The following RSAD2 variants were observed in gnomAD, a reference collection of about 807,000 sequenced individuals.
The protein encoded by RSAD2 is S-adenosylmethionine-dependent nucleotide dehydratase RSAD2.
A neutral mutation model predicts 37.7 loss-of-function variants in RSAD2; 38 were observed. The ratio of observed to expected loss-of-function variants is 1.01; its 90% CI spans 0.78 to 1.32. The LOEUF is 1.32. Ranked by LOEUF, RSAD2 falls within the 40% of genes most tolerant of loss-of-function variation. The probability of loss-of-function intolerance (pLI) is 0.00; values close to 1 mark genes in which losing one functional copy is unlikely to be tolerated. For missense variants in RSAD2, 428 were observed against 437.5 expected (o/e 0.98, Z 0.19); for synonymous variants, 163 against 157.4 (o/e 1.04, Z -0.27).
intron 3 of RSAD2, among the ~76,000 whole-genome samples, chr2:6,889,242 G>A (rs1176428801): frequency 1.3e-5 from 2 of 152,238 alleles, no homozygotes; most frequent in Admixed American, 1.3e-4. Flanking sequence ...GAGCCTGGAT[G>A]GGGCATGAGG....
intron 4 of RSAD2, 60 bp from the exon 5 acceptor site, chr2:6,893,611 T>G: frequency 7.6e-7 from 1 of 1,320,110 alleles, no homozygotes; most frequent in Non-Finnish European, 1.1e-6. Flanking sequence ...GGTGGACAAT[T>G]GAGCTCACAT....
At position 6,898,230 on chromosome 2, in the gene RSAD2, G is replaced by C. The variant is rs1270816841; in HGVS notation, c.*2288G>C. 1 of 152,128 alleles carries C rather than the reference G, an allele frequency of 6.6e-6. No individual in the cohort carries two copies. The highest frequency in any genetic ancestry group is 2.4e-5 in the African/African-American group (1 of 41,424). The allele number at this position is 152,128 out of a possible 1,614,324, so 9.4% of individuals were successfully genotyped here. The stretch of plus-strand genomic sequence containing the variant: ...AAAGTGAAATAAAACTATAAGCTAT[G>C]TTAAATACATTTTCAGCTGTTTTAT... On this transcript the variant is annotated 3_prime_UTR_variant, in exon 6 of 6. Transcript: ENST00000382040.
chr2:6,894,459 TTTTC>T (rs1372570496), intron 5 of RSAD2, among the ~76,000 whole-genome samples: 6 of 152,310 alleles, frequency 3.9e-5, no homozygotes, highest in Admixed American at 6.5e-5. Flanking sequence ...TGATGTTTGC[TTTTC>T]TTTCTTTCTT....
chr2:6,866,078 G>A (rs142966723), intron 1 of RSAD2: 23 of 268,122 alleles, frequency 8.6e-5, no homozygotes, highest in Admixed American at 3.7e-4. Flanking sequence ...GGTGGCTGGC[G>A]GCCCCGACCC....
upstream of RSAD2, among the ~76,000 whole-genome samples, chr2:6,873,788 A>G (rs754829973): frequency 3.9e-5 from 6 of 152,220 alleles, no homozygotes; most frequent in Non-Finnish European, 8.8e-5. Flanking sequence ...ATACTAAATG[A>G]TTAGGCTTAT....
Position 6,878,126 on chromosome 2 carries a change from T to A in RSAD2, c.326T>A (p.Leu109Ter), listed in dbSNP as rs202204480. 3 of 1,613,874 alleles carry A rather than the reference T, an allele frequency of 1.9e-6. No homozygotes were observed. Among genetic ancestry groups the A allele is most frequent in the Non-Finnish European group, 2.5e-6 (3 of 1,179,936 alleles). Reference protein sequence around the residue: ...VLPLEEAKRGLLLLKEAGMEK... With the variant: ...VLPLEEAKRG ...CCCCTTGAGGAAGCAAAGAGAGGAT[T>A]GCTTTTGCTTAAGGAAGCTGGTGAG... The change falls in exon 1 of 6, where the codon TTG becomes TAG. Residue 109 changes from leucine to a stop codon, truncating the protein, a stop_gained. Coordinates refer to ENST00000382040, the MANE Select transcript of RSAD2 (RefSeq NM_080657.5). LOFTEE classifies it high-confidence loss of function.
chr2:6,875,935 C>T (rs1428318805), upstream of RSAD2, among the ~76,000 whole-genome samples: 6 of 152,156 alleles, frequency 3.9e-5, no homozygotes, highest in Non-Finnish European at 8.8e-5. Flanking sequence ...GATCAGAAAC[C>T]CTTCCTGAAC....
At chr2:6,875,611 T>G (rs1663268175), upstream of RSAD2, among the ~76,000 whole-genome samples, 1 of 152,222 alleles carries the variant, frequency 6.6e-6, no homozygotes, top group Non-Finnish European at 1.5e-5. Flanking sequence ...AGGGACTTCT[T>G]AGAAACATTC....
Position 6,890,230 on chromosome 2 carries a change from G to A in RSAD2, c.793G>A (p.Glu265Lys). Reference sequence around the variant, plus strand: ...GAATTGTGGAGAAGATGCTCTAAGAGAAGCAGAAAGATTTGTTATTGGTGA... The same window carrying A: ...GAATTGTGGAGAAGATGCTCTAAGAAAAGCAGAAAGATTTGTTATTGGTGA... ...GENCGEDALR[E>K]AERFVIGDEE... The change falls in exon 4 of 6, where the codon GAA becomes AAA. Residue 265 changes from glutamate (E) to lysine (K), a missense_variant. Physicochemically the swap from Glu to Lys is moderately conservative, Grantham distance 56 (BLOSUM62 1). Coordinates refer to ENST00000382040, the MANE Select transcript of RSAD2 (RefSeq NM_080657.5). 1 of 1,614,168 alleles carries A rather than the reference G, an allele frequency of 6.2e-7. No individual in the cohort carries two copies. Among genetic ancestry groups the A allele is most frequent in the Non-Finnish European group, 8.5e-7 (1 of 1,179,998 alleles).
chr2:6,890,256 T>C lies in RSAD2; in HGVS notation c.819T>C (p.Asp273=). 6.2e-7 allele frequency: 1 copy of C among 1,614,186 alleles called. No homozygotes were observed. The highest frequency in any genetic ancestry group is 8.5e-7 in the Non-Finnish European group (1 of 1,180,004). The change falls in exon 4 of 6, where the codon GAT becomes GAC. Residue 273 remains aspartate (D), a synonymous_variant. Coordinates refer to ENST00000382040, the MANE Select transcript of RSAD2 (RefSeq NM_080657.5). ...LREAERFVIG[D]EEFERFLERH... ...AAGCAGAAAGATTTGTTATTGGTGA[T>C]GAAGAATTTGAAAGATTCTTGGAGC... is the stretch of plus-strand genomic sequence containing the variant.
chr2:6,890,402 G>T (rs1414133217), intron 4 of RSAD2, 77 bp downstream of exon 4: 1 of 1,477,754 alleles, frequency 6.8e-7, no homozygotes, highest in South Asian at 1.2e-5. Context: ...TCTCAGCCAA[G>T]GACCCCACAC....
intron 3 of RSAD2, among the ~76,000 whole-genome samples, chr2:6,889,262 A>G (rs1663582126): frequency 6.6e-6 from 1 of 152,230 alleles, no homozygotes; most frequent in Non-Finnish European, 1.5e-5. Context: ...GATGGGTGAC[A>G]ACCCCTCCCA....
intron 1 of RSAD2, among the ~76,000 whole-genome samples, chr2:6,880,820 A>G (rs1663382505): frequency 6.6e-6 from 1 of 151,066 alleles, no homozygotes; most frequent in Non-Finnish European, 1.5e-5. Flanking sequence ...ATTTTAATAT[A>G]TATTTTTATA....
intron 1 of RSAD2, among the ~76,000 whole-genome samples, chr2:6,883,057 C>T (rs1017965970): frequency 2.6e-5 from 4 of 152,182 alleles, no homozygotes; most frequent in Admixed American, 6.5e-5. Flanking sequence ...GCAGCTGGCC[C>T]GTGGACAGTC....
rs1313137781 is a variant in RSAD2, at chr2:6,898,020, A to C, written c.*2078A>C. The C allele has an allele frequency of 6.7e-6, 1 of 150,142 alleles. No individual in the cohort carries two copies. The highest frequency in any genetic ancestry group is 1.5e-5 in the Non-Finnish European group (1 of 67,472). 9.3% of individuals were successfully genotyped at this position (150,142 alleles called of 1,614,324 possible). On this transcript the variant is annotated 3_prime_UTR_variant, in exon 6 of 6. Transcript: ENST00000382040. ...AAAAAAAAAAAAAAAAAAAAGCAAG[A>C]GAGTTCAACTAAGAAAGGTCACATA...
chr2:6,878,030 A>G lies in RSAD2; in HGVS notation c.230A>G (p.Tyr77Cys), dbSNP rs1280945487. 1.9e-6 allele frequency: 3 copies of G among 1,614,050 alleles called. No homozygotes were observed. Among genetic ancestry groups the G allele is most frequent in the South Asian group, 2.2e-5 (2 of 91,082 alleles). Residue 77 changes from tyrosine to cysteine, a missense_variant, in exon 1 of 6, where the codon TAT becomes TGT. Coordinates refer to ENST00000382040, the MANE Select transcript of RSAD2 (RefSeq NM_080657.5). Reference protein sequence around the residue: ...PLPTTPTSVNYHFTRQCNYKC... With the variant: ...PLPTTPTSVNCHFTRQCNYKC... Reference sequence around the variant, plus strand: ...CCCACCACCCCAACCAGCGTCAACTATCACTTCACTCGCCAGTGCAACTAC... The same window carrying G: ...CCCACCACCCCAACCAGCGTCAACTGTCACTTCACTCGCCAGTGCAACTAC...
intron 2 of RSAD2, 43 bp from the exon 3 acceptor site, chr2:6,886,892 G>T (rs1663532088): frequency 6.8e-7 from 1 of 1,472,862 alleles, no homozygotes; most frequent in Non-Finnish European, 9.5e-7. Flanking sequence ...CAAGGGGCTT[G>T]GTCCTTGGAT....
chr2:6,870,359 T>G (rs981503180), intron 1 of RSAD2, among the ~76,000 whole-genome samples: 4 of 152,248 alleles, frequency 2.6e-5, no homozygotes, highest in African/African-American at 9.6e-5. Context: ...CAGTACTCAC[T>G]GTTATTTTAG....
intron 2 of RSAD2, among the ~76,000 whole-genome samples, chr2:6,884,386 T>C (rs549388575): frequency 6.6e-6 from 1 of 152,022 alleles, no homozygotes; most frequent in Non-Finnish European, 1.5e-5. Flanking sequence ...CCTACAAGCG[T>C]GTAAAACCAA....
Sources: allele counts gnomAD v4.1 joint callset (sites outside exome capture counted in the v4.1 genomes callset), GRCh38; gene constraint gnomAD v4.1.1; transcripts MANE v1.5; gene names NCBI Gene and HGNC (gene_info 2026-07-23, HGNC 2026-07-21).